Variants in NECTIN4 observed in about 807,000 individuals in gnomAD.
The protein encoded by NECTIN4 is nectin-4.
In NECTIN4, 19 loss-of-function variants were observed where a neutral mutation model predicts 51.7. The ratio of observed to expected loss-of-function variants is 0.37; its 90% CI spans 0.26 to 0.54. The LOEUF is 0.54. NECTIN4 is among the 20% of genes least tolerant of loss of function. The pLI, the probability that NECTIN4 is intolerant of heterozygous loss-of-function variation, is 0.86. For synonymous variants in NECTIN4, 283 were observed against 286.9 expected, an observed-to-expected ratio of 0.99 and a Z score of 0.14; for missense variants, 619 against 662.4, an observed-to-expected ratio of 0.93 and a Z score of 0.72.
rs1373581211 is a variant in NECTIN4, at chr1:161,072,803, C to T, written c.1391G>A (p.Gly464Asp). The T allele has an allele frequency of 1.9e-6, 3 of 1,614,246 alleles. No individual in the cohort carries two copies. Among genetic ancestry groups the T allele is most frequent in the Non-Finnish European group, 2.5e-6 (3 of 1,180,056 alleles). The stretch of plus-strand genomic sequence containing the variant: ...TTCCTCCTCCTCGGCCCGCCCAGAG[C>T]CTGGAGACAGCAGTTCAGTCTGTGT... ...IETQTELLSP[G>D]SGRAEEEEDQ... is the part of the protein sequence containing the mutation. Residue 464 changes from glycine to aspartate, a missense_variant, in exon 9 of 9, where the codon GGC becomes GAC. This residue lies in a region of NECTIN4 where 364 missense variants were observed against 415.7 expected (regional missense o/e 0.88). Coordinates refer to ENST00000368012, the MANE Select transcript of NECTIN4 (RefSeq NM_030916.3).
chr1:161,086,591 G>T (rs183245726), intron 1 of NECTIN4, among the ~76,000 whole-genome samples: 2 of 152,332 alleles, frequency 1.3e-5, no homozygotes, highest in South Asian at 4.1e-4. Context: ...GATCCTAATG[G>T]GGGGAGGGGT....
chr1:161,074,955 AC>A (rs1163690795), intron 4 of NECTIN4, among the ~76,000 whole-genome samples, 196 bp from the exon 5 acceptor site: 3 of 151,140 alleles, frequency 2.0e-5, no homozygotes, highest in African/African-American at 7.3e-5. Context: ...TGACCTGGGC[AC>A]CCCCCACACA....
chr1:161,072,176 C>T lies in NECTIN4; in HGVS notation c.*485G>A. ...CCTGGGTCTGAGCCACAGTCTCCAC[C>T]TCTCTCCTCCAACCTCTGCATCATT... is the stretch of plus-strand genomic sequence containing the variant. On this transcript the variant is annotated 3_prime_UTR_variant, in exon 9 of 9. Transcript: ENST00000368012. The T allele has an allele frequency of 8.1e-6, 2 of 245,790 alleles. No individual in the cohort carries two copies. The highest frequency in any genetic ancestry group is 1.6e-5 in the Non-Finnish European group (2 of 122,488). 15.2% of individuals were successfully genotyped at this position (245,790 alleles called of 1,614,324 possible).
chr1:161,089,446 C>T lies in NECTIN4; in HGVS notation c.-150G>A. 1 of 715,220 alleles carries T rather than the reference C, an allele frequency of 1.4e-6. No homozygotes were observed. Among genetic ancestry groups the T allele is most frequent in the Non-Finnish European group, 2.5e-6 (1 of 405,558 alleles). 44.3% of individuals were successfully genotyped at this position (715,220 alleles called of 1,614,324 possible). A position where few individuals can be genotyped will look rare whatever the true frequency, so the allele number is the denominator to read the frequency against. On this transcript the variant is annotated 5_prime_UTR_variant, in exon 1 of 9. Coordinates refer to ENST00000368012, the MANE Select transcript of NECTIN4 (RefSeq NM_030916.3). The surrounding 1 kb of genome is among the most constrained non-coding windows in gnomAD (Gnocchi z 4.1). ...TTGGGTCTCCACTAGGGGACCCAGC[C>T]CCAGCCCCGGCCCCGTTCTACACAC...
Position 161,072,621 on chromosome 1 carries a change from AC to A in NECTIN4, c.*39del. ...AGATGAGCTAAAATCTCCCATGTCA[AC>A]AGAAGGAGCCAGGCCTAGGGAAGGG... On this transcript the variant is annotated 3_prime_UTR_variant, in exon 9 of 9. Transcript: ENST00000368012. The A allele has an allele frequency of 6.4e-7, 1 of 1,561,092 alleles. No individual in the cohort carries two copies. The highest frequency in any genetic ancestry group is 1.1e-5 in the South Asian group (1 of 90,050).
chr1:161,080,500 G>A (rs978718507), intron 1 of NECTIN4, among the ~76,000 whole-genome samples: 1 of 152,230 alleles, frequency 6.6e-6, no homozygotes, highest in Non-Finnish European at 1.5e-5. Context: ...GGTCTATTCA[G>A]TAGGCCCTTT....
rs1653168042 is a variant in NECTIN4 at position 161,071,630 on chromosome 1, T to G, written c.*1031A>C. The G allele has an allele frequency of 6.6e-6, 1 of 152,138 alleles. No individual in the cohort carries two copies. The highest frequency in any genetic ancestry group is 1.5e-5 in the Non-Finnish European group (1 of 68,026). 9.4% of individuals were successfully genotyped at this position (152,138 alleles called of 1,614,324 possible). ...AATCACAGGAATTAACCCCCTGGTGTTGGAGGGGCCTCACTTTAAGCAATC... is the reference window on the plus strand; with the variant it reads ...AATCACAGGAATTAACCCCCTGGTGGTGGAGGGGCCTCACTTTAAGCAATC... On this transcript the variant is annotated 3_prime_UTR_variant, in exon 9 of 9. Coordinates refer to ENST00000368012, the MANE Select transcript of NECTIN4 (RefSeq NM_030916.3).
chr1:161,074,518 CTT>C, intron 5 of NECTIN4, 91 bp downstream of exon 5: 1 of 1,585,342 alleles, frequency 6.3e-7, no homozygotes, highest in Non-Finnish European at 8.7e-7. Flanking sequence ...TGAATAAACA[CTT>C]TCCCAATTCA....
chr1:161,085,839 C>G (rs1226870338), intron 1 of NECTIN4, among the ~76,000 whole-genome samples: 1 of 152,024 alleles, frequency 6.6e-6, no homozygotes, highest in Non-Finnish European at 1.5e-5. Flanking sequence ...GGTATACTAC[C>G]ATGCCTGGCT....
Position 161,077,733 on chromosome 1 carries a change from C to T in NECTIN4, c.450G>A (p.Leu150=). Residue 150 remains leucine, a synonymous_variant, in exon 3 of 9, where the codon CTG becomes CTA. Transcript: ENST00000368012. ...GTGCTGGACCAGGATTCAGTGAGGG[C>T]AGGGGAGGCACTGCAAATGGGGAAA... is the stretch of plus-strand genomic sequence containing the variant. ...RLRLRVLVPP[L]PSLNPGPALE... The T allele has an allele frequency of 6.2e-7, 1 of 1,608,120 alleles. No individual in the cohort carries two copies. The highest frequency in any genetic ancestry group is 1.1e-5 in the South Asian group (1 of 91,048).
rs1048075005 is a variant in NECTIN4 at position 161,083,271 on chromosome 1, C to A, written c.80-3322G>T. On this transcript the variant is annotated intron_variant, in intron 1 of 8. Coordinates refer to ENST00000368012, the MANE Select transcript of NECTIN4 (RefSeq NM_030916.3). The stretch of plus-strand genomic sequence containing the variant: ...ACACCCTCCTCCAGCTGCATACCCC[C>A]CTACCACCCTAGGGTACAAGAGAAG... 2.0e-5 allele frequency among the ~76,000 whole-genome samples: 3 copies of A among 152,226 alleles called. No individual in the cohort carries two copies. The East Asian group carries it at 5.8e-4, about 29-fold the overall frequency.
At chr1:161,083,967 A>G (rs1653812685) in intron 1 of NECTIN4, among the ~76,000 whole-genome samples, 1 of 152,230 alleles carries the variant, frequency 6.6e-6, no homozygotes. Context: ...AGCATCTTTA[A>G]GGAAGTATCT....
Position 161,079,606 on chromosome 1 carries a change from C to T in NECTIN4, c.423G>A (p.Leu141=), listed in dbSNP as rs1653574759. The change falls in exon 2 of 9, where the codon CTG becomes CTA. Residue 141 remains leucine (L), a synonymous_variant. Coordinates refer to ENST00000368012, the MANE Select transcript of NECTIN4 (RefSeq NM_030916.3). ...TFPAGSFQAR[L]RLRVLVPPLP... ...CCCGCTTACCCAGCACTCGGAGCCG[C>T]AGCCGCGCCTGGAAGCTGCCGGCGG... The T allele has an allele frequency of 6.2e-7, 1 of 1,604,548 alleles. No homozygotes were observed. The highest frequency in any genetic ancestry group is 1.7e-5 in the Admixed American group (1 of 59,940).
intron 1 of NECTIN4, among the ~76,000 whole-genome samples, chr1:161,082,853 G>A (rs948422780): frequency 1.3e-5 from 2 of 152,104 alleles, no homozygotes; most frequent in Non-Finnish European, 2.9e-5. Flanking sequence ...TTCAAACGCT[G>A]GTGTCTGTGA....
In NECTIN4 at chr1:161,076,453, C is replaced by G; in HGVS notation, c.753G>C (p.Arg251Ser). Residue 251 changes from arginine (R) to serine (S), a missense_variant, in exon 4 of 9, where the codon AGG becomes AGC. Transcript: ENST00000368012. The part of the protein sequence containing the change: ...HVSFLAEASV[R>S]GLEDQNLWHI... ...GCCACAGATTTTGGTCTTCAAGGCC[C>G]CTCACAGAGGCCTCAGCAAGGACTG... 6.2e-7 allele frequency: 1 copy of G among 1,614,064 alleles called. No individual in the cohort carries two copies. The highest frequency in any genetic ancestry group is 8.5e-7 in the Non-Finnish European group (1 of 1,179,976).
At chr1:161,080,548 G>C (rs1271745339) in intron 1 of NECTIN4, among the ~76,000 whole-genome samples, 1 of 152,126 alleles carries the variant, frequency 6.6e-6, no homozygotes, top group Non-Finnish European at 1.5e-5. Context: ...GAGAGACCTG[G>C]ATTCCTATAG....
At chr1:161,088,561 T>C (rs75072970) in intron 1 of NECTIN4, among the ~76,000 whole-genome samples, 4,620 of 152,186 alleles carry the variant, frequency 0.03, 93 homozygotes, top group Admixed American at 0.047. Flanking sequence ...TTCCCTTCCT[T>C]AGACCCCCAT....
Position 161,074,349 on chromosome 1 carries a change from T to C in NECTIN4, c.1025A>G (p.Gln342Arg), listed in dbSNP as rs755091835. 22 of 1,613,662 alleles carry C rather than the reference T, an allele frequency of 1.4e-5. No individual in the cohort carries two copies. The highest frequency in any genetic ancestry group is 1.7e-5 in the Non-Finnish European group (20 of 1,179,914). ...VLDPQEDSGK[Q>R]VDLVSASVVV... The stretch of plus-strand genomic sequence containing the variant: ...CACCGAGGCTGACACTAGGTCCACC[T>C]GCTTCCCAGAGTCTTCCTGGGGGTC... The change falls in exon 6 of 9, where the codon CAG (glutamine) becomes CGG (arginine). Residue 342 changes from glutamine (Q) to arginine (R), a missense_variant. By Grantham distance (43) the Gln-to-Arg change is conservative. Around this residue, in one of 3 missense-constraint regions of NECTIN4, gnomAD observed 364 missense variants for 415.7 expected, o/e 0.88. Coordinates refer to ENST00000368012, the MANE Select transcript of NECTIN4 (RefSeq NM_030916.3).
chr1:161,072,544 T>A lies in NECTIN4; in HGVS notation c.*117A>T, dbSNP rs187551945. ...TTGGAGGTAAAGGTCAAGCAGTCAG[T>A]GGGATGGGGAGCATCTTCCGCAAGA... On this transcript the variant is annotated 3_prime_UTR_variant, in exon 9 of 9. Transcript: ENST00000368012. The A allele has an allele frequency of 1.2e-6, 1 of 850,090 alleles. No homozygotes were observed. The highest frequency in any genetic ancestry group is 2.0e-6 in the Non-Finnish European group (1 of 501,834). The allele number at this position is 850,090 out of a possible 1,614,324, so 52.7% of individuals were successfully genotyped here.
Sources: allele counts gnomAD v4.1 joint callset (sites outside exome capture counted in the v4.1 genomes callset), GRCh38; gene constraint gnomAD v4.1.1; regional missense constraint gnomAD v4.1.1; non-coding constraint Gnocchi (gnomAD v3.1); transcripts MANE v1.5; gene names NCBI Gene and HGNC (gene_info 2026-07-23, HGNC 2026-07-21).